The following CREBRF variants were observed in gnomAD, a reference collection of about 807,000 sequenced individuals.
CREBRF encodes the protein CREB3 regulatory factor.
Under a neutral mutation model 66.1 loss-of-function variants are expected in CREBRF, and 5 were observed. That is an observed-to-expected ratio of 0.08 (90% CI 0.04 to 0.16). The LOEUF is 0.16. Among genes scored for constraint, CREBRF ranks in the 10% least tolerant of loss-of-function variants. The pLI, the probability that CREBRF is intolerant of heterozygous loss-of-function variation, is 1.00. For missense variants in CREBRF, 531 were observed against 744.9 expected, an observed-to-expected ratio of 0.71 and a Z score of 3.34; for synonymous variants, 229 against 264.4, an observed-to-expected ratio of 0.87 and a Z score of 1.30.
chr5:173,110,524 A>C lies in CREBRF; in HGVS notation c.1420A>C (p.Lys474Gln). Reference protein sequence around the residue: ...MYQKNGLHHGKYAVKKSRRTD... With the variant: ...MYQKNGLHHGQYAVKKSRRTD... ...AACTTCTTTTAAACTGTTTATAGGA[A>C]AATATGCAGTAAAGAAGTCACGGAG... Residue 474 changes from lysine to glutamine, a missense_variant and splice_region_variant, in exon 6 of 9, where the codon AAA becomes CAA. Around this residue, in one of 5 missense-constraint regions of CREBRF, gnomAD observed 309 missense variants for 341.4 expected, o/e 0.90. Coordinates refer to ENST00000296953, the MANE Select transcript of CREBRF (RefSeq NM_153607.3). 1 of 1,609,400 alleles carries C rather than the reference A, an allele frequency of 6.2e-7. No homozygotes were observed. Among genetic ancestry groups the C allele is most frequent in the Non-Finnish European group, 8.5e-7 (1 of 1,175,760 alleles).
At chr5:173,086,050 A>G in intron 2 of CREBRF, 1 of 1,006,468 alleles carries the variant, frequency 9.9e-7, no homozygotes, top group Non-Finnish European at 1.6e-6. Context: ...AGTATCAAAA[A>G]TCCAAGAGTG....
In CREBRF at chr5:173,085,697, G is replaced by A. The variant is rs144123483; in HGVS notation, c.10-804G>A. On this transcript the variant is annotated intron_variant, in intron 2 of 8. Transcript: ENST00000296953. ...CTCCCAAAGTGCTGGGATTACAGGC[G>A]TGAGCCACCGCACCCGGCCATCAGA... is the stretch of plus-strand genomic sequence containing the variant. 5.5e-4 allele frequency: 401 copies of A among 726,838 alleles called. 2 individuals carry two copies. In the African/African-American group the frequency reaches 6.4e-3, roughly 12 times the overall value. The allele number at this position is 726,838 out of a possible 1,614,324, so 45.0% of individuals were successfully genotyped here. A position where few individuals can be genotyped will look rare whatever the true frequency, so the allele number is the denominator to read the frequency against.
intron 5 of CREBRF, chr5:173,109,531 CAGGAAGCTGTGATTA>C (rs1317915209): frequency 6.6e-6 from 1 of 152,062 alleles, no homozygotes; most frequent in Non-Finnish European, 1.5e-5. Context: ...ATTGTGAACT[CAGGAAGCTGTGATTA>C]AGTAGAATTT....
chr5:173,105,557 C>T (rs1371097187), intron 4 of CREBRF, among the ~76,000 whole-genome samples: 2 of 152,080 alleles, frequency 1.3e-5, no homozygotes, highest in Non-Finnish European at 2.9e-5. Context: ...TGCACTCCAC[C>T]TCCCAGGTTC....
intron 4 of CREBRF, among the ~76,000 whole-genome samples, chr5:173,101,784 A>G (rs1341930822): frequency 6.6e-6 from 1 of 152,070 alleles, no homozygotes; most frequent in African/African-American, 2.4e-5. Flanking sequence ...TCCTGACCTC[A>G]GGTGATCTGC....
chr5:173,090,935 G>T lies in CREBRF; in HGVS notation c.756G>T (p.Leu252Phe). Reference protein sequence around the residue: ...INPVQQSRPLLSQIHTDAAKE... With the variant: ...INPVQQSRPLFSQIHTDAAKE... Reference sequence around the variant, plus strand: ...CAGTGCAACAGAGCCGGCCCTTGTTGAGCCAGATTCACACAGATGCAGCAA... The same window carrying T: ...CAGTGCAACAGAGCCGGCCCTTGTTTAGCCAGATTCACACAGATGCAGCAA... Residue 252 changes from leucine (L) to phenylalanine (F), a missense_variant, in exon 4 of 9, where the codon TTG (leucine) becomes TTT (phenylalanine). Transcript: ENST00000296953. The surrounding 1 kb of genome is among the most constrained non-coding windows in gnomAD (Gnocchi z 4.5). The T allele has an allele frequency of 1.9e-6, 3 of 1,614,156 alleles. No individual in the cohort carries two copies. Among genetic ancestry groups the T allele is most frequent in the Non-Finnish European group, 1.7e-6 (2 of 1,180,030 alleles).
chr5:173,068,235 C>A, intron 1 of CREBRF: 1 of 370,268 alleles, frequency 2.7e-6, no homozygotes, highest in Non-Finnish European at 5.5e-6. Flanking sequence ...GTTCAGGTTA[C>A]TCTATGTACT....
intron 4 of CREBRF, among the ~76,000 whole-genome samples, chr5:173,104,006 A>G (rs1423530940): frequency 6.6e-6 from 1 of 152,238 alleles, no homozygotes; most frequent in African/African-American, 2.4e-5. Flanking sequence ...ATTAAACAAC[A>G]TCATGAATTT....
chr5:173,129,079 C>T (rs1759342824), intron 8 of CREBRF, among the ~76,000 whole-genome samples: 1 of 139,700 alleles, frequency 7.2e-6, no homozygotes, highest in Non-Finnish European at 1.5e-5. Context: ...CGTGCCCGGC[C>T]TCTGAATCAT....
chr5:173,129,711 C>T, intron 8 of CREBRF, among the ~76,000 whole-genome samples: 1 of 120,598 alleles, frequency 8.3e-6, no homozygotes, highest in Admixed American at 8.8e-5. Context: ...AGTGACAGAC[C>T]TCATCTCAAA....
chr5:173,060,970 T>C (rs973005092), intron 1 of CREBRF, among the ~76,000 whole-genome samples: 1 of 152,228 alleles, frequency 6.6e-6, no homozygotes, highest in Non-Finnish European at 1.5e-5. Flanking sequence ...TGAGGTTTTT[T>C]GTTTGTTCGT....
At chr5:173,060,937 C>G (rs1035916148) in intron 1 of CREBRF, among the ~76,000 whole-genome samples, 1 of 152,044 alleles carries the variant, frequency 6.6e-6, no homozygotes, top group Non-Finnish European at 1.5e-5. Flanking sequence ...GTTTGTCAGC[C>G]CCTGTTGTAA....
At chr5:173,115,280 T>A (rs1308599275) in intron 7 of CREBRF, among the ~76,000 whole-genome samples, 1 of 152,042 alleles carries the variant, frequency 6.6e-6, no homozygotes. Context: ...GCTAATTTTG[T>A]ATTTTTAGTA....
chr5:173,086,589 T>C lies in CREBRF; in HGVS notation c.98T>C (p.Leu33Ser). The C allele has an allele frequency of 1.2e-6, 2 of 1,613,588 alleles. No individual in the cohort carries two copies. The highest frequency in any genetic ancestry group is 1.7e-6 in the Non-Finnish European group (2 of 1,179,782). Residue 33 changes from leucine to serine, a missense_variant, in exon 3 of 9, where the codon TTA becomes TCA. Around this residue, in one of 5 missense-constraint regions of CREBRF, gnomAD observed 133 missense variants for 215.6 expected, o/e 0.62. Coordinates refer to ENST00000296953, the MANE Select transcript of CREBRF (RefSeq NM_153607.3). ...CAAACTCTGATGAGCACAGATCTCT[T>C]AGCAAACAGTTCGGATCCAGATTTC... ...SEQTLMSTDL[L>S]ANSSDPDFMY...
At chr5:173,101,860 C>T (rs532553814) in intron 4 of CREBRF, among the ~76,000 whole-genome samples, 17 of 152,196 alleles carry the variant, frequency 1.1e-4, no homozygotes, top group African/African-American at 3.6e-4. Context: ...GTCATTATTA[C>T]TTTAAATAAG....
At chr5:173,126,404 G>A (rs1003540718) in intron 8 of CREBRF, among the ~76,000 whole-genome samples, 2 of 152,298 alleles carry the variant, frequency 1.3e-5, no homozygotes, top group East Asian at 3.9e-4. Context: ...GCCTCCCAAA[G>A]TATTGGGATT....
chr5:173,110,787 A>G, intron 6 of CREBRF, 76 bp downstream of exon 6: 2 of 973,338 alleles, frequency 2.1e-6, no homozygotes, highest in Non-Finnish European at 3.0e-6. Context: ...TTTTTATAGA[A>G]GGACAACAAA....
intron 7 of CREBRF, among the ~76,000 whole-genome samples, chr5:173,120,683 C>CT (rs70984942): frequency 0.024 from 1,215 of 51,290 alleles, 228 homozygotes; most frequent in Middle Eastern, 0.093. Context: ...GCCTGAGCCT[C>CT]TTTTTTTTTT....
chr5:173,112,785 T>C lies in CREBRF; in HGVS notation c.1681+406T>C, dbSNP rs548865311. On this transcript the variant is annotated intron_variant, in intron 7 of 8. Transcript: ENST00000296953. The stretch of plus-strand genomic sequence containing the variant: ...TACTGGATTAGCCAGTTTTGTTGAC[T>C]GATTTTAATATTTTCCCTAAATTGA... Among the ~76,000 whole-genome samples the C allele has an allele frequency of 3.3e-5, 5 of 152,360 alleles. No individual in the cohort carries two copies. The South Asian group carries it at 1.0e-3, about 32-fold the overall frequency.
Sources: allele counts gnomAD v4.1 joint callset (sites outside exome capture counted in the v4.1 genomes callset), GRCh38; gene constraint gnomAD v4.1.1; regional missense constraint gnomAD v4.1.1; non-coding constraint Gnocchi (gnomAD v3.1); transcripts MANE v1.5; gene names NCBI Gene and HGNC (gene_info 2026-07-23, HGNC 2026-07-21).